Variants in GALNT6 observed in about 807,000 individuals in gnomAD.
The protein encoded by GALNT6 is GalNAc transferase 6.
Under a neutral mutation model 65.9 loss-of-function variants are expected in GALNT6, and 51 were observed. The observed-to-expected ratio is 0.77, with a 90% CI of 0.62 to 0.98. The LOEUF is 0.98. Ranked by LOEUF, GALNT6 falls within the 50% of genes least tolerant of loss-of-function variation. The probability of loss-of-function intolerance (pLI) is 0.00; values close to 1 mark genes in which losing one functional copy is unlikely to be tolerated. For missense variants in GALNT6, 708 were observed against 803.3 expected, an observed-to-expected ratio of 0.88 and a Z score of 1.43; for synonymous variants, 323 against 315.1, an observed-to-expected ratio of 1.02 and a Z score of -0.26.
At chr12:51,389,717 G>A (rs1947967341) in intron 2 of GALNT6, among the ~76,000 whole-genome samples, 1 of 152,170 alleles carries the variant, frequency 6.6e-6, no homozygotes, top group Non-Finnish European at 1.5e-5. Flanking sequence ...TGGTCCTGAG[G>A]TCTGTTCGAG....
chr12:51,357,656 A>G (rs1455807600), intron 9 of GALNT6, among the ~76,000 whole-genome samples: 3 of 152,210 alleles, frequency 2.0e-5, no homozygotes, highest in African/African-American at 7.2e-5. Context: ...AGAGGCTGGA[A>G]AGGGCAGGAC....
Position 51,390,115 on chromosome 12 carries a change from A to C in GALNT6, c.-104+735T>G, listed in dbSNP as rs377325357. ...GCCTGCAATGCTACTGGCTCCTGCT[A>C]GGCAATTGGAATCAAAGCATATTTC... On this transcript the variant is annotated intron_variant, in intron 2 of 11. Coordinates refer to ENST00000356317, the MANE Select transcript of GALNT6 (RefSeq NM_007210.4). 4.0e-5 allele frequency among the ~76,000 whole-genome samples: 6 copies of C among 150,644 alleles called. No homozygotes were observed. In the East Asian group the frequency reaches 5.9e-4, roughly 15 times the overall value.
rs1487378379 is a variant in GALNT6 at position 51,379,563 on chromosome 12, G to A, written c.219C>T (p.Ile73=). The change falls in exon 3 of 12, where the codon ATC becomes ATT. Residue 73 remains isoleucine (I), a synonymous_variant. Transcript: ENST00000356317. ...NLRDSMPKLQ[I]RAPEAQQTLF... ...GAGTCTGCTGGGCTTCTGGAGCCCTGATTTGGAGCTTGGGCATTGAATCTC... is the reference window on the plus strand; with the variant it reads ...GAGTCTGCTGGGCTTCTGGAGCCCTAATTTGGAGCTTGGGCATTGAATCTC... The A allele has an allele frequency of 1.2e-6, 2 of 1,614,056 alleles. No homozygotes were observed. The highest frequency in any genetic ancestry group is 1.7e-6 in the Non-Finnish European group (2 of 1,180,024).
At chr12:51,361,157 C>A (rs1461069410) in intron 6 of GALNT6, among the ~76,000 whole-genome samples, 1 of 152,230 alleles carries the variant, frequency 6.6e-6, no homozygotes, top group Non-Finnish European at 1.5e-5. Context: ...AAAGACAGAT[C>A]CTATTCCCCC....
chr12:51,358,005 TG>T, intron 9 of GALNT6, 124 bp downstream of exon 9: 3 of 938,326 alleles, frequency 3.2e-6, no homozygotes, highest in Non-Finnish European at 4.8e-6. Context: ...GTCCTCCTCC[TG>T]GATAAAGGAG....
chr12:51,379,694 C>A lies in GALNT6; in HGVS notation c.88G>T (p.Asp30Tyr). The A allele has an allele frequency of 2.5e-6, 4 of 1,614,130 alleles. No homozygotes were observed. Among genetic ancestry groups the A allele is most frequent in the Non-Finnish European group, 3.4e-6 (4 of 1,179,984 alleles). Residue 30 changes from aspartate to tyrosine, a missense_variant, in exon 3 of 12, where the codon GAT becomes TAT. Transcript: ENST00000356317. The stretch of plus-strand genomic sequence containing the variant: ...GTGGCCTCCTCTCTGCTGCTCACAT[C>A]CCTATGCAGGAGGAAGAGGAAGAGC... Reference protein sequence around the residue: ...FVLFLFLLHRDVSSREEATEK... With the variant: ...FVLFLFLLHRYVSSREEATEK...
At chr12:51,359,376 G>A (rs1344056606) in intron 7 of GALNT6, 44 bp from the exon 8 acceptor site, 5 of 1,367,994 alleles carry the variant, frequency 3.7e-6, no homozygotes, top group Admixed American at 3.7e-5. Flanking sequence ...TGGGCTAGGT[G>A]AGACAGTCTC....
At chr12:51,365,610 C>T (rs1168173400) in intron 4 of GALNT6, 31 bp from the exon 5 acceptor site, 1 of 1,606,040 alleles carries the variant, frequency 6.2e-7, no homozygotes. Flanking sequence ...GTGGCCAGTC[C>T]ACCACTTTGC....
intron 4 of GALNT6, among the ~76,000 whole-genome samples, chr12:51,372,434 C>T (rs573839809): frequency 6.6e-6 from 1 of 152,222 alleles, no homozygotes; most frequent in East Asian, 1.9e-4. Flanking sequence ...GTCTTGAACT[C>T]CTGGGCTCAA....
chr12:51,355,876 C>G lies in GALNT6; in HGVS notation c.1685G>C (p.Gly562Ala). The G allele has an allele frequency of 6.2e-7, 1 of 1,613,940 alleles. No homozygotes were observed. Among genetic ancestry groups the G allele is most frequent in the Non-Finnish European group, 8.5e-7 (1 of 1,179,844 alleles). ...LCLHVSKGAL[G>A]LGSCHFTGKN... Reference sequence around the variant, plus strand: ...GCCAGTGAAGTGACAGCTCCCAAGGCCCAGAGCACCCTTGCTGACATGTAG... The same window carrying G: ...GCCAGTGAAGTGACAGCTCCCAAGGGCCAGAGCACCCTTGCTGACATGTAG... Residue 562 changes from glycine (G) to alanine (A), a missense_variant, in exon 11 of 12, where the codon GGC becomes GCC. Physicochemically the swap from Gly to Ala is moderately conservative, Grantham distance 60. Transcript: ENST00000356317.
rs553680286 is a variant in GALNT6 at position 51,362,459 on chromosome 12, G to A, written c.1050-1621C>T. Among the ~76,000 whole-genome samples, 31 of 152,116 alleles carry A rather than the reference G, an allele frequency of 2.0e-4. No homozygotes were observed. In the South Asian group the frequency reaches 6.0e-3, roughly 30 times the overall value. ...GTGGGGGCGCTACATGAAGAGCCTC[G>A]GCAAGCCATGCATGCTACCGGGGCA... On this transcript the variant is annotated intron_variant, in intron 6 of 11. Coordinates refer to ENST00000356317, the MANE Select transcript of GALNT6 (RefSeq NM_007210.4).
chr12:51,361,664 C>T (rs531189578), intron 6 of GALNT6, among the ~76,000 whole-genome samples: 2 of 152,214 alleles, frequency 1.3e-5, no homozygotes, highest in Admixed American at 1.3e-4. Context: ...CAGGTTGCTT[C>T]GAAGAGGGAC....
At chr12:51,384,314 G>A (rs1212795853) in intron 2 of GALNT6, among the ~76,000 whole-genome samples, 2 of 152,214 alleles carry the variant, frequency 1.3e-5, no homozygotes, top group East Asian at 3.8e-4. Flanking sequence ...AGCCCAGCTT[G>A]TATCAAACTG....
At position 51,364,161 on chromosome 12, in the gene GALNT6, G is replaced by T; in HGVS notation, c.1009C>A (p.His337Asn). Residue 337 changes from histidine (H) to asparagine (N), a missense_variant, in exon 6 of 12, where the codon CAT becomes AAT. Physicochemically the swap from His to Asn is moderately conservative, Grantham distance 68 (BLOSUM62 1). Transcript: ENST00000356317. ...TCATCCTTGCGCCTCTGCTTCTCAT[G>T]TGGAGGAAGTGTTTCCCAGCCGAAG... ...LTFGWETLPP[H>N]EKQRRKDETY... 6.2e-7 allele frequency: 1 copy of T among 1,614,160 alleles called. No individual in the cohort carries two copies. Among genetic ancestry groups the T allele is most frequent in the Non-Finnish European group, 8.5e-7 (1 of 1,179,988 alleles).
chr12:51,376,872 G>A (rs899894837), intron 4 of GALNT6, among the ~76,000 whole-genome samples: 3 of 152,092 alleles, frequency 2.0e-5, no homozygotes, highest in Non-Finnish European at 2.9e-5. Flanking sequence ...GTGGCCCAGC[G>A]GGTAGGAAAC....
chr12:51,385,264 C>CA (rs1333642989), intron 2 of GALNT6, among the ~76,000 whole-genome samples: 5 of 152,180 alleles, frequency 3.3e-5, no homozygotes, highest in Non-Finnish European at 7.4e-5. Context: ...GCTGGGATTA[C>CA]AGGTGTGAGC....
intron 4 of GALNT6, among the ~76,000 whole-genome samples, chr12:51,374,289 C>A (rs1466528363): frequency 1.3e-5 from 2 of 152,162 alleles, no homozygotes; most frequent in East Asian, 1.9e-4. Flanking sequence ...CCACCTCAGC[C>A]TCCCAAGTAG....
At chr12:51,381,437 T>G (rs1233396128) in intron 2 of GALNT6, among the ~76,000 whole-genome samples, 1 of 152,126 alleles carries the variant, frequency 6.6e-6, no homozygotes, top group Non-Finnish European at 1.5e-5. Flanking sequence ...TCTGGACACA[T>G]AAGCTCACTG....
rs534011053 is a variant in GALNT6, at chr12:51,356,556, G to A, written c.1603-598C>T. Among the ~76,000 whole-genome samples, 22 of 150,314 alleles carry A rather than the reference G, an allele frequency of 1.5e-4. No homozygotes were observed. In the South Asian group the frequency reaches 4.4e-3, roughly 30 times the overall value. On this transcript the variant is annotated intron_variant, in intron 10 of 11. Transcript: ENST00000356317. ...TAAAAATTTTTTATAGAGATGGGGT[G>A]TCTTGCTATGTTGCCCAGACAGGTC...
Sources: allele counts gnomAD v4.1 joint callset (sites outside exome capture counted in the v4.1 genomes callset), GRCh38; gene constraint gnomAD v4.1.1; transcripts MANE v1.5; gene names NCBI Gene and HGNC (gene_info 2026-07-23, HGNC 2026-07-21).